Variants in CC2D1A observed in about 807,000 individuals in gnomAD.
CC2D1A encodes the protein coiled-coil and C2 domain-containing protein 1A.
In CC2D1A, 68 loss-of-function variants were observed where a neutral mutation model predicts 123.8. That is an observed-to-expected ratio of 0.55 (90% CI 0.45 to 0.67). The LOEUF (loss-of-function observed/expected upper bound fraction) is 0.67, where lower values mean the gene tolerates loss of function less well. CC2D1A is among the 30% of genes least tolerant of loss of function. The pLI is 0.00. For missense variants in CC2D1A, 1,185 were observed against 1,290.3 expected (o/e 0.92, Z 1.25); for synonymous variants, 477 against 528.0 (o/e 0.90, Z 1.32).
At chr19:13,916,018 C>A (rs183294798) in intron 6 of CC2D1A, among the ~76,000 whole-genome samples, 2 of 151,688 alleles carry the variant, frequency 1.3e-5, no homozygotes, top group African/African-American at 4.8e-5. Context: ...CACTTTGGGA[C>A]ACCAAAGCGG....
chr19:13,910,224 C>T lies in CC2D1A; in HGVS notation c.196+266C>T, dbSNP rs376261018. 3.4e-5 allele frequency among the ~76,000 whole-genome samples: 5 copies of T among 149,092 alleles called. No individual in the cohort carries two copies. In the South Asian group the frequency reaches 6.4e-4, roughly 19 times the overall value. Reference sequence around the variant, plus strand: ...CCATCCCGGCTAACACGGTGAAACTCTGTCTCTACTAAAAATACAAAAAAA... The same window carrying T: ...CCATCCCGGCTAACACGGTGAAACTTTGTCTCTACTAAAAATACAAAAAAA... On this transcript the variant is annotated intron_variant, in intron 2 of 28. Transcript: ENST00000318003.
chr19:13,926,058 G>GTATATATA (rs201590156), intron 17 of CC2D1A, among the ~76,000 whole-genome samples: 2 of 98,982 alleles, frequency 2.0e-5, no homozygotes, highest in African/African-American at 9.6e-5. Context: ...GTATATATAT[G>GTATATATA]TATATATACA....
intron 2 of CC2D1A, among the ~76,000 whole-genome samples, chr19:13,911,851 G>C (rs1599380668): frequency 1.3e-5 from 2 of 151,872 alleles, no homozygotes; most frequent in Non-Finnish European, 2.9e-5. Flanking sequence ...GAGTAGCTGG[G>C]ACCACAGGCG....
intron 6 of CC2D1A, among the ~76,000 whole-genome samples, chr19:13,916,233 G>A (rs1483121889): frequency 6.6e-6 from 1 of 152,044 alleles, no homozygotes; most frequent in Non-Finnish European, 1.5e-5. Flanking sequence ...CTCCAGTCTG[G>A]GCGACAGAGC....
chr19:13,907,628 C>T (rs1026786786), intron 1 of CC2D1A, among the ~76,000 whole-genome samples: 7 of 151,746 alleles, frequency 4.6e-5, no homozygotes, highest in South Asian at 2.1e-4. Context: ...GCTGAGATCG[C>T]GCCACTGCAT....
At chr19:13,926,060 A>G (rs866392481) in intron 17 of CC2D1A, among the ~76,000 whole-genome samples, 77 of 89,308 alleles carry the variant, frequency 8.6e-4, no homozygotes, top group Admixed American at 1.7e-3. Flanking sequence ...ATATATATGT[A>G]TATATACACA....
rs948993314 is a variant in CC2D1A at position 13,920,269 on chromosome 19, A to G, written c.1357-288A>G. The G allele has an allele frequency of 2.1e-5, 11 of 523,416 alleles. No individual in the cohort carries two copies. The Admixed American group carries it at 4.2e-4, about 20-fold the overall frequency. 32.4% of individuals were successfully genotyped at this position (523,416 alleles called of 1,614,324 possible). Reference sequence around the variant, plus strand: ...TCATCTCCAAGACAATTAAAAAAAAAAAAAAGTGTTTGGTGAGAATTGCTT... The same window carrying G: ...TCATCTCCAAGACAATTAAAAAAAAGAAAAAGTGTTTGGTGAGAATTGCTT... On this transcript the variant is annotated intron_variant, in intron 12 of 28. Coordinates refer to ENST00000318003, the MANE Select transcript of CC2D1A (RefSeq NM_017721.5).
chr19:13,928,096 C>T (rs758081958), intron 23 of CC2D1A, 28 bp from the exon 24 acceptor site: 1 of 1,612,092 alleles, frequency 6.2e-7, no homozygotes, highest in East Asian at 2.2e-5. Context: ...GGGCCCAGGA[C>T]TCACAGGACT....
At chr19:13,907,185 G>C (rs1970789751) in intron 1 of CC2D1A, among the ~76,000 whole-genome samples, 1 of 152,128 alleles carries the variant, frequency 6.6e-6, no homozygotes, top group South Asian at 2.1e-4. Context: ...GGCGGAGGCA[G>C]AGGTGGGAGA....
In CC2D1A at chr19:13,919,936, T is replaced by C; in HGVS notation, c.1341T>C (p.Asp447=). The change falls in exon 12 of 29, where the codon GAT becomes GAC. Residue 447 remains aspartate, a synonymous_variant. Coordinates refer to ENST00000318003, the MANE Select transcript of CC2D1A (RefSeq NM_017721.5). ...NQDEGPEDEE[D]EVPKKQNSPV... is the part of the protein sequence containing the mutation. Reference sequence around the variant, plus strand: ...ATGAAGGCCCAGAGGATGAAGAGGATGAGGTGCCTAAGAAGGTTTGAGGGT... The same window carrying C: ...ATGAAGGCCCAGAGGATGAAGAGGACGAGGTGCCTAAGAAGGTTTGAGGGT... 1 of 1,612,310 alleles carries C rather than the reference T, an allele frequency of 6.2e-7. No homozygotes were observed. The highest frequency in any genetic ancestry group is 8.5e-7 in the Non-Finnish European group (1 of 1,179,340).
chr19:13,929,060 G>C lies in CC2D1A; in HGVS notation c.2520-319G>C, dbSNP rs1041605105. Among the ~76,000 whole-genome samples, 41 of 150,464 alleles carry C rather than the reference G, an allele frequency of 2.7e-4. 1 individual carries two copies. Among genetic ancestry groups the C allele is most frequent in the Non-Finnish European group, 5.2e-4 (35 of 67,804 alleles). ...GCTCTGTCACCCAGGTTGGAGTGCAGTGGTGTGATCTCGGCTCATTGCAAC... is the reference window on the plus strand; with the variant it reads ...GCTCTGTCACCCAGGTTGGAGTGCACTGGTGTGATCTCGGCTCATTGCAAC... On this transcript the variant is annotated intron_variant, in intron 24 of 28. Coordinates refer to ENST00000318003, the MANE Select transcript of CC2D1A (RefSeq NM_017721.5).
At chr19:13,922,455 C>T (rs1413313002) in intron 14 of CC2D1A, among the ~76,000 whole-genome samples, 1 of 152,228 alleles carries the variant, frequency 6.6e-6, no homozygotes, top group Non-Finnish European at 1.5e-5. Context: ...TTCACTTTCT[C>T]CCATCATTAG....
intron 1 of CC2D1A, among the ~76,000 whole-genome samples, chr19:13,908,981 C>G (rs948775764): frequency 6.6e-6 from 1 of 151,676 alleles, no homozygotes. Context: ...GGCGGAGTGC[C>G]GTAGCACAGT....
intron 1 of CC2D1A, 141 bp from the exon 2 acceptor site, chr19:13,909,682 A>G: frequency 9.0e-7 from 1 of 1,115,576 alleles, no homozygotes; most frequent in Non-Finnish European, 1.4e-6. Context: ...GGCTTGTTCC[A>G]GCCTCCTGGC....
At chr19:13,925,933 A>AT (rs1555735762) in intron 17 of CC2D1A, among the ~76,000 whole-genome samples, 1,657 of 90,840 alleles carry the variant, frequency 0.018, 45 homozygotes, top group African/African-American at 0.03. Flanking sequence ...AAAAAAAAAA[A>AT]ATATATATAT....
At chr19:13,926,646 C>T in intron 18 of CC2D1A, 21 bp from the exon 19 acceptor site, 1 of 1,614,192 alleles carries the variant, frequency 6.2e-7, no homozygotes, top group Non-Finnish European at 8.5e-7. Flanking sequence ...CTGCCCAGCT[C>T]TGACCGTTGT....
intron 2 of CC2D1A, 110 bp from the exon 3 acceptor site, chr19:13,912,213 A>G: frequency 2.4e-6 from 3 of 1,238,904 alleles, no homozygotes; most frequent in Middle Eastern, 5.5e-4. Context: ...TAAGGAAGAG[A>G]TGAAATGGGG....
At chr19:13,925,962 A>ATATATATATATGTG (rs1971591709) in intron 17 of CC2D1A, among the ~76,000 whole-genome samples, 2 of 103,346 alleles carry the variant, frequency 1.9e-5, no homozygotes, top group African/African-American at 1.0e-4. Context: ...ATATATATAC[A>ATATATATATATGTG]CGTATATATA....
chr19:13,918,931 G>A lies in CC2D1A; in HGVS notation c.1038G>A (p.Arg346=), dbSNP rs1330441481. 3 of 1,610,722 alleles carry A rather than the reference G, an allele frequency of 1.9e-6. No individual in the cohort carries two copies. The highest frequency in any genetic ancestry group is 2.5e-6 in the Non-Finnish European group (3 of 1,178,234). ...PSTTEVPPPP[R]TLLEALEQRM... ...GCCCAGAGGTGCCCCCACCCCCGAG[G>A]ACCCTGCTGGAGGCGCTGGAGCAGC... The change falls in exon 10 of 29, where the codon AGG becomes AGA. Residue 346 remains arginine (R), a synonymous_variant. Transcript: ENST00000318003.
Sources: gnomAD v4.1 joint callset for allele counts (sites outside exome capture counted in the v4.1 genomes callset) on GRCh38, gnomAD v4.1.1 for gene constraint, MANE v1.5 for transcripts, NCBI Gene and HGNC (gene_info 2026-07-23, HGNC 2026-07-21) for gene names.